SP100: variants seen among roughly 807,000 people sequenced by gnomAD.
SP100 encodes the protein nuclear autoantigen Sp-100.
A neutral mutation model predicts 130.0 loss-of-function variants in SP100; 84 were observed. The observed-to-expected ratio is 0.65, with a 90% CI of 0.54 to 0.77. SP100 has a LOEUF of 0.77. Among genes scored for constraint, SP100 ranks in the 30% least tolerant of loss-of-function variants. The pLI, the probability that SP100 is intolerant of heterozygous loss-of-function variation, is 0.00. For synonymous variants in SP100, 331 were observed against 351.7 expected (o/e 0.94, Z 0.66); for missense variants, 978 against 1,052.2 (o/e 0.93, Z 0.97).
At chr2:230,430,461 G>T (rs1237294617) in intron 2 of SP100, among the ~76,000 whole-genome samples, 1 of 152,224 alleles carries the variant, frequency 6.6e-6, no homozygotes, top group Non-Finnish European at 1.5e-5. Flanking sequence ...CACTGGCTGT[G>T]CTTCAAACTT....
intron 2 of SP100, among the ~76,000 whole-genome samples, chr2:230,418,856 G>C (rs1249319121): frequency 2.0e-5 from 3 of 152,094 alleles, no homozygotes; most frequent in Non-Finnish European, 4.4e-5. Context: ...AGTGATGGCA[G>C]CTTCCCAGGA....
rs191277018 is a variant in SP100 at position 230,438,113 on chromosome 2, T to C, written c.108-4824T>C. Among the ~76,000 whole-genome samples, 253 of 152,306 alleles carry C rather than the reference T, an allele frequency of 1.7e-3. 4 individuals are homozygous for C. The highest frequency in any genetic ancestry group is 5.9e-3 in the African/African-American group (245 of 41,564). On this transcript the variant is annotated intron_variant, in intron 2 of 28. Transcript: ENST00000340126. ...TGATTTTCAATTTCAACATTTTTTG[T>C]GTCATTTTTTCTTAGTTGTGTCTTT...
intron 17 of SP100, among the ~76,000 whole-genome samples, chr2:230,488,357 CT>C (rs2066220006): frequency 6.6e-6 from 1 of 152,028 alleles, no homozygotes; most frequent in Admixed American, 6.6e-5. Context: ...GGAGGTATGT[CT>C]CATCAATACC....
At chr2:230,424,377 G>A (rs1432595951) in intron 2 of SP100, among the ~76,000 whole-genome samples, 1 of 152,128 alleles carries the variant, frequency 6.6e-6, no homozygotes, top group African/African-American at 2.4e-5. Flanking sequence ...ATAATAAGAG[G>A]AGAGATTGGC....
At chr2:230,438,648 T>TAC (rs796889943) in intron 2 of SP100, among the ~76,000 whole-genome samples, 8,399 of 127,382 alleles carry the variant, frequency 0.066, 311 homozygotes, top group Admixed American at 0.1. Context: ...TGTATATATA[T>TAC]ACACACACAC....
Position 230,416,310 on chromosome 2 carries a change from G to T in SP100, c.14G>T (p.Gly5Val), listed in dbSNP as rs921733604. 1.9e-6 allele frequency: 3 copies of T among 1,613,450 alleles called. No homozygotes were observed. The highest frequency in any genetic ancestry group is 2.5e-6 in the Non-Finnish European group (3 of 1,179,664). ...TAGGGTGGGAAGATGGCAGGTGGGG[G>T]CGGCGACCTGAGCACCAGGTGAGTC... MAGG[G>V]GDLSTRRLNE... Residue 5 changes from glycine (G) to valine (V), a missense_variant, in exon 1 of 29, where the codon GGC (glycine) becomes GTC (valine). By Grantham distance (109) the Gly-to-Val change is moderately radical. Coordinates refer to ENST00000340126, the MANE Select transcript of SP100 (RefSeq NM_001080391.2).
At chr2:230,523,433 A>G (rs1026196354) in intron 24 of SP100, among the ~76,000 whole-genome samples, 1 of 152,206 alleles carries the variant, frequency 6.6e-6, no homozygotes, top group African/African-American at 2.4e-5. Flanking sequence ...TTGGGAGGCC[A>G]AGGCAGGTGG....
At position 230,510,686 on chromosome 2, in the gene SP100, G is replaced by A. The variant is rs568520914; in HGVS notation, c.2053-439G>A. On this transcript the variant is annotated intron_variant, in intron 23 of 28. Transcript: ENST00000340126. ...TAATTTTTGTATTTTTAGTAGTGAC[G>A]GGGTTTCACCACGTTAGCCAGGATG... 8 of 192,202 alleles carry A rather than the reference G, an allele frequency of 4.2e-5. 1 individual carries two copies. The highest frequency in any genetic ancestry group is 7.5e-5 in the Non-Finnish European group (7 of 93,876). 11.9% of individuals were successfully genotyped at this position (192,202 alleles called of 1,614,324 possible).
chr2:230,488,596 GT>G (rs2066238628), intron 17 of SP100, among the ~76,000 whole-genome samples: 1 of 152,098 alleles, frequency 6.6e-6, no homozygotes, highest in African/African-American at 2.4e-5. Flanking sequence ...AGCATTTTTA[GT>G]AGAGATGGGG....
intron 15 of SP100, among the ~76,000 whole-genome samples, chr2:230,470,771 AAC>A: frequency 6.6e-6 from 1 of 152,234 alleles, no homozygotes; most frequent in Non-Finnish European, 1.5e-5. Context: ...TGTTGTATGT[AAC>A]AGACAGGAGG....
At chr2:230,447,299 C>T (rs1180402725) in intron 5 of SP100, among the ~76,000 whole-genome samples, 1 of 152,204 alleles carries the variant, frequency 6.6e-6, no homozygotes, top group Non-Finnish European at 1.5e-5. Flanking sequence ...GTCATATTCA[C>T]AACACTTCTG....
chr2:230,517,609 C>T (rs905610277), intron 24 of SP100, among the ~76,000 whole-genome samples: 1 of 151,882 alleles, frequency 6.6e-6, no homozygotes, highest in South Asian at 2.1e-4. Context: ...TAAAAATACA[C>T]AAAAAATTAA....
intron 5 of SP100, among the ~76,000 whole-genome samples, chr2:230,447,978 T>C (rs1172836173): frequency 6.6e-6 from 1 of 152,150 alleles, no homozygotes; most frequent in East Asian, 1.9e-4. Flanking sequence ...AACCCAGGTG[T>C]GGTCGAAAAG....
At chr2:230,452,918 T>C (rs2064080942) in intron 8 of SP100, among the ~76,000 whole-genome samples, 1 of 151,892 alleles carries the variant, frequency 6.6e-6, no homozygotes, top group South Asian at 2.1e-4. Context: ...CCTTTCCAAT[T>C]TGAATGCCTT....
chr2:230,449,051 C>G, intron 5 of SP100, 37 bp from the exon 6 acceptor site: 1 of 1,309,848 alleles, frequency 7.6e-7, no homozygotes, highest in Non-Finnish European at 1.1e-6. Context: ...ATCCATACCT[C>G]GATTTCTGAA....
intron 24 of SP100, among the ~76,000 whole-genome samples, chr2:230,535,172 G>T (rs1191416970): frequency 6.6e-6 from 1 of 151,124 alleles, no homozygotes; most frequent in Non-Finnish European, 1.5e-5. Context: ...CTCTAGCCTG[G>T]GCGACAGAGT....
At chr2:230,503,264 C>T (rs2067138124) in intron 20 of SP100, among the ~76,000 whole-genome samples, 154 bp downstream of exon 20, 2 of 152,166 alleles carry the variant, frequency 1.3e-5, no homozygotes, top group Admixed American at 1.3e-4. Context: ...CCCTCAATAC[C>T]TGCTTCAGTG....
intron 24 of SP100, among the ~76,000 whole-genome samples, chr2:230,529,277 G>A (rs6742738): frequency 0.18 from 27,637 of 152,048 alleles, 2,984 homozygotes; most frequent in African/African-American, 0.3. Context: ...TTCAACATAC[G>A]CAAATCAATA....
chr2:230,461,224 G>A (rs989829568), intron 8 of SP100, 38 bp from the exon 9 acceptor site: 1 of 1,603,954 alleles, frequency 6.2e-7, no homozygotes. Flanking sequence ...GAGGTTCACT[G>A]GGGACACAAA....
Sources: allele counts gnomAD v4.1 joint callset (sites outside exome capture counted in the v4.1 genomes callset), GRCh38; gene constraint gnomAD v4.1.1; transcripts MANE v1.5; gene names NCBI Gene and HGNC (gene_info 2026-07-23, HGNC 2026-07-21).